ARHGEF7: variants seen among roughly 807,000 people sequenced by gnomAD.
ARHGEF7 encodes the protein Rho guanine nucleotide exchange factor 7, also known as PAK-interacting exchange factor beta.
Under a neutral mutation model 109.8 loss-of-function variants are expected in ARHGEF7, and 33 were observed. That is an observed-to-expected ratio of 0.30 (90% CI 0.23 to 0.40). The LOEUF is 0.40. Ranked by LOEUF, ARHGEF7 falls within the 10% of genes least tolerant of loss-of-function variation. The pLI, the probability that ARHGEF7 is intolerant of heterozygous loss-of-function variation, is 1.00. For missense variants in ARHGEF7, 938 were observed against 1,098.5 expected, an observed-to-expected ratio of 0.85 and a Z score of 2.07; for synonymous variants, 458 against 424.6, an observed-to-expected ratio of 1.08 and a Z score of -0.97.
chr13:111,154,097 T>G (rs2076099670), intron 2 of ARHGEF7, 106 bp downstream of exon 2: 1 of 1,147,762 alleles, frequency 8.7e-7, no homozygotes, highest in Non-Finnish European at 1.2e-6. Context: ...CGCGCCCGGA[T>G]CCGACCCTCC....
intron 2 of ARHGEF7, among the ~76,000 whole-genome samples, chr13:111,155,674 C>T (rs1245031882): frequency 1.3e-5 from 2 of 152,102 alleles, no homozygotes; most frequent in East Asian, 1.9e-4. Flanking sequence ...ATTATATTAT[C>T]CTCTTGAAAC....
intron 19 of ARHGEF7, chr13:111,294,805 A>C (rs549339664): frequency 2.0e-6 from 2 of 985,848 alleles, no homozygotes; most frequent in Non-Finnish European, 1.2e-6. Flanking sequence ...AAGGATGAAG[A>C]GTCTGAACTA....
chr13:111,275,757 CA>C, intron 12 of ARHGEF7, 79 bp downstream of exon 12: 1 of 1,560,554 alleles, frequency 6.4e-7, no homozygotes, highest in Non-Finnish European at 8.8e-7. Context: ...AAAGGCATCT[CA>C]AGCGATGAAA....
intron 18 of ARHGEF7, among the ~76,000 whole-genome samples, chr13:111,291,390 TG>T (rs922859697): frequency 5.3e-5 from 8 of 152,248 alleles, no homozygotes; most frequent in Admixed American, 5.2e-4. Flanking sequence ...GGGTCTGCAT[TG>T]GGGTGGCCGG....
intron 19 of ARHGEF7, among the ~76,000 whole-genome samples, chr13:111,296,944 G>A (rs940010553): frequency 1.3e-5 from 2 of 152,224 alleles, no homozygotes; most frequent in African/African-American, 4.8e-5. Flanking sequence ...CTCTGTCTGA[G>A]CCTCTGTTAT....
At chr13:111,153,226 G>A (rs2075990841) in intron 1 of ARHGEF7, among the ~76,000 whole-genome samples, 1 of 152,262 alleles carries the variant, frequency 6.6e-6, no homozygotes, top group South Asian at 2.1e-4. Flanking sequence ...AACGATCAGG[G>A]GTTACTCAAG....
Position 111,193,575 on chromosome 13 carries a change from G to T in ARHGEF7, c.253-11714G>T, listed in dbSNP as rs537685494. ...CATGGGCATGTAGGATTAGATAAGC[G>T]TACTTGCTATCTGTATACACATTTA... On this transcript the variant is annotated intron_variant, in intron 2 of 21. Transcript: ENST00000646102. Among the ~76,000 whole-genome samples the T allele has an allele frequency of 1.6e-3, 247 of 152,152 alleles. 1 individual carries two copies. Among genetic ancestry groups the T allele is most frequent in the African/African-American group, 5.8e-3 (239 of 41,500 alleles).
intron 8 of ARHGEF7, 71 bp from the exon 9 acceptor site, chr13:111,267,477 A>G (rs992070122): frequency 6.3e-7 from 1 of 1,588,272 alleles, no homozygotes; most frequent in African/African-American, 1.3e-5. Context: ...AGAGTATTAT[A>G]TGTCTGTCAG....
chr13:111,130,365 T>C (rs1483065460), intron 1 of ARHGEF7, among the ~76,000 whole-genome samples: 2 of 152,222 alleles, frequency 1.3e-5, no homozygotes, highest in South Asian at 2.1e-4. Flanking sequence ...CAATACGGCA[T>C]ATGACAGTCT....
intron 1 of ARHGEF7, among the ~76,000 whole-genome samples, chr13:111,123,862 G>GCCGCCCCCCCC (rs1227976463): frequency 9.1e-6 from 1 of 110,062 alleles, no homozygotes; most frequent in African/African-American, 3.2e-5. Flanking sequence ...GGTGGGCTGC[G>GCCGCCCCCCCC]CCCCCCCCCC....
At chr13:111,291,221 C>G (rs570760293) in intron 18 of ARHGEF7, among the ~76,000 whole-genome samples, 2 of 152,396 alleles carry the variant, frequency 1.3e-5, no homozygotes, top group South Asian at 2.1e-4. Flanking sequence ...CCCTGGCGGC[C>G]CAGCCTGCCT....
In ARHGEF7 at chr13:111,210,250, C is replaced by T. The variant is rs137900903; in HGVS notation, c.468+248C>T. Among the ~76,000 whole-genome samples, 55 of 152,238 alleles carry T rather than the reference C, an allele frequency of 3.6e-4. No homozygotes were observed. In the East Asian group the frequency reaches 5.8e-3, roughly 16 times the overall value. ...AGGTTGTATTGCAAGACTCATGACTCGATATCTGGAGTGATGCTGCTTTAA... is the reference window on the plus strand; with the variant it reads ...AGGTTGTATTGCAAGACTCATGACTTGATATCTGGAGTGATGCTGCTTTAA... On this transcript the variant is annotated intron_variant, in intron 4 of 21. Coordinates refer to ENST00000646102, the MANE Select transcript of ARHGEF7 (RefSeq NM_001354046.2).
At chr13:111,156,236 A>G (rs937008750) in intron 2 of ARHGEF7, among the ~76,000 whole-genome samples, 1 of 152,208 alleles carries the variant, frequency 6.6e-6, no homozygotes, top group Non-Finnish European at 1.5e-5. Context: ...AACATATTCC[A>G]AGCATCTACA....
intron 2 of ARHGEF7, among the ~76,000 whole-genome samples, chr13:111,175,854 G>A (rs2078107124): frequency 1.3e-5 from 2 of 152,204 alleles, no homozygotes; most frequent in Non-Finnish European, 2.9e-5. Flanking sequence ...GGCTGGGGAG[G>A]TCCCAGGAAA....
intron 6 of ARHGEF7, among the ~76,000 whole-genome samples, chr13:111,235,677 A>G (rs911736057): frequency 6.6e-6 from 1 of 152,274 alleles, no homozygotes; most frequent in Non-Finnish European, 1.5e-5. Flanking sequence ...TACACTGGTT[A>G]CTAAGCCAGG....
At chr13:111,142,654 C>T (rs1441893500) in intron 1 of ARHGEF7, among the ~76,000 whole-genome samples, 1 of 152,246 alleles carries the variant, frequency 6.6e-6, no homozygotes, top group East Asian at 1.9e-4. Flanking sequence ...TCTCACCTCT[C>T]TCTCTAGGGC....
At chr13:111,196,424 T>C (rs946465248) in intron 2 of ARHGEF7, among the ~76,000 whole-genome samples, 10 of 152,228 alleles carry the variant, frequency 6.6e-5, no homozygotes, top group African/African-American at 2.4e-4. Context: ...GACTAGGGTT[T>C]GATCTAACAA....
intron 8 of ARHGEF7, among the ~76,000 whole-genome samples, chr13:111,261,176 CAA>C (rs1472666828): frequency 6.6e-6 from 1 of 151,824 alleles, no homozygotes; most frequent in Non-Finnish European, 1.5e-5. Context: ...ACTCTGCAAT[CAA>C]GAGCCGTAGA....
intron 4 of ARHGEF7, among the ~76,000 whole-genome samples, chr13:111,214,485 C>T (rs548342969): frequency 1.2e-4 from 19 of 152,354 alleles, no homozygotes; most frequent in Admixed American, 2.6e-4. Flanking sequence ...GCCCAGGTGA[C>T]GTTGGATTAC....
Sources: gnomAD v4.1 joint callset for allele counts (sites outside exome capture counted in the v4.1 genomes callset) on GRCh38, gnomAD v4.1.1 for gene constraint, MANE v1.5 for transcripts, NCBI Gene and HGNC (gene_info 2026-07-23, HGNC 2026-07-21) for gene names.